KLHDC4: variants seen among roughly 807,000 people sequenced by gnomAD.
KLHDC4 encodes the protein kelch domain containing 4, also known as kelch domain-containing protein 4.
KLHDC4 carries 90 observed loss-of-function variants against 62.4 expected under a neutral mutation model. The observed-to-expected ratio is 1.44, with a 90% CI of 1.22 to 1.72. The LOEUF (loss-of-function observed/expected upper bound fraction) is 1.72, where lower values mean the gene tolerates loss of function less well. Among genes scored for constraint, KLHDC4 ranks in the 40% most tolerant of loss-of-function variants. KLHDC4 has a pLI of 0.00. For missense variants in KLHDC4, 1,025 were observed against 699.7 expected, an observed-to-expected ratio of 1.47 and a Z score of -5.25; for synonymous variants, 386 against 284.4, an observed-to-expected ratio of 1.36 and a Z score of -3.59.
chr16:87,759,409 ACTC>A (rs2045521328), intron 2 of KLHDC4, among the ~76,000 whole-genome samples: 1 of 151,280 alleles, frequency 6.6e-6, no homozygotes, highest in South Asian at 2.1e-4. Flanking sequence ...CAAAAGCAAA[ACTC>A]CGTCTCAGAA....
chr16:87,717,368 A>C (rs2037211116), intron 7 of KLHDC4, among the ~76,000 whole-genome samples: 1 of 152,236 alleles, frequency 6.6e-6, no homozygotes, highest in African/African-American at 2.4e-5. Context: ...GCTAACATGT[A>C]CTGTATTTAC....
rs1376659750 is a variant in KLHDC4 at position 87,709,375 on chromosome 16, A to T, written c.1337T>A (p.Val446Asp). Residue 446 changes from valine (V) to aspartate (D), a missense_variant, in exon 10 of 12, where the codon GTC becomes GAC. Transcript: ENST00000270583. ...GCCGGCCTCAAACATGCCCCCATAGACGTAGAGCACCCCATGCTTCACAGC... is the reference window on the plus strand; with the variant it reads ...GCCGGCCTCAAACATGCCCCCATAGTCGTAGAGCACCCCATGCTTCACAGC... The part of the protein sequence containing the change: ...MLAVKHGVLY[V>D]YGGMFEAGDR... 7 of 1,613,282 alleles carry T rather than the reference A, an allele frequency of 4.3e-6. No homozygotes were observed. Among genetic ancestry groups the T allele is most frequent in the Non-Finnish European group, 4.2e-6 (5 of 1,179,910 alleles).
intron 8 of KLHDC4, 85 bp from the exon 9 acceptor site, chr16:87,711,528 G>A: frequency 8.3e-7 from 1 of 1,204,440 alleles, no homozygotes; most frequent in South Asian, 1.5e-5. Flanking sequence ...GACCCCAGGT[G>A]CCCCCCAGAA....
chr16:87,721,529 A>T (rs761790742), intron 7 of KLHDC4, among the ~76,000 whole-genome samples: 7 of 152,074 alleles, frequency 4.6e-5, no homozygotes, highest in Non-Finnish European at 1.0e-4. Context: ...GCACGAGACA[A>T]GCTGAGACAA....
downstream of KLHDC4, among the ~76,000 whole-genome samples, chr16:87,704,147 C>A (rs187960153): frequency 6.6e-6 from 1 of 152,230 alleles, no homozygotes; most frequent in Non-Finnish European, 1.5e-5. Context: ...ATCAAGCACA[C>A]GGCGCCGCCA....
At chr16:87,720,187 C>T (rs1348074509) in intron 7 of KLHDC4, among the ~76,000 whole-genome samples, 3 of 152,166 alleles carry the variant, frequency 2.0e-5, no homozygotes, top group Admixed American at 6.5e-5. Flanking sequence ...CAGAATGGGC[C>T]GGCGGTGCAG....
chr16:87,725,128 G>T (rs1207183131), intron 7 of KLHDC4, among the ~76,000 whole-genome samples: 2 of 152,124 alleles, frequency 1.3e-5, no homozygotes, highest in Non-Finnish European at 2.9e-5. Flanking sequence ...AGGACAGGCA[G>T]ATCTATTACG....
In KLHDC4 at chr16:87,719,122, G is replaced by T. The variant is rs371957262; in HGVS notation, c.760-4549C>A. On this transcript the variant is annotated intron_variant, in intron 7 of 11. Transcript: ENST00000270583. ...GTGGATGCCTCTGCCCGGCTGCCCC[G>T]TCTGGGAAGTGAGGATCTTCCCGGC... Among the ~76,000 whole-genome samples, 35 of 152,130 alleles carry T rather than the reference G, an allele frequency of 2.3e-4. No individual in the cohort carries two copies. The East Asian group carries it at 6.2e-3, about 27-fold the overall frequency.
rs538589834 is a variant in KLHDC4, at chr16:87,759,232, C to G, written c.191+2717G>C. Among the ~76,000 whole-genome samples, 8 of 151,034 alleles carry G rather than the reference C, an allele frequency of 5.3e-5. No individual in the cohort carries two copies. The South Asian group carries it at 1.7e-3, about 32-fold the overall frequency. On this transcript the variant is annotated intron_variant, in intron 2 of 11. Transcript: ENST00000270583. ...TGGCAAATTTTGTTAAACATTTTAC[C>G]ACAATAAAAAAAACTTTTTAGGTCG...
At chr16:87,709,778 G>A (rs936200817) in intron 9 of KLHDC4, 111 bp from the exon 10 acceptor site, 4 of 1,297,642 alleles carry the variant, frequency 3.1e-6, no homozygotes, top group Non-Finnish European at 4.1e-6. Context: ...ACAAGCGTGG[G>A]GAGTGTGTGA....
intron 5 of KLHDC4, 147 bp from the exon 6 acceptor site, chr16:87,730,791 A>C: frequency 1.5e-6 from 1 of 661,700 alleles, no homozygotes. Context: ...ATTTAATCTG[A>C]TCTATCAACT....
chr16:87,726,971 G>C lies in KLHDC4; in HGVS notation c.600-47C>G, dbSNP rs560890362. 58 of 1,589,468 alleles carry C rather than the reference G, an allele frequency of 3.6e-5. No individual in the cohort carries two copies. In the African/African-American group the frequency reaches 7.0e-4, roughly 19 times the overall value. On this transcript the variant is annotated intron_variant, in intron 6 of 11. Coordinates refer to ENST00000270583, the MANE Select transcript of KLHDC4 (RefSeq NM_017566.4). ...GTCAGGGTCCGTAACATTGGGAAAA[G>C]CCCTGACATTAAAAACTGAACTGAT...
chr16:87,722,783 G>A (rs1455934278), intron 7 of KLHDC4, among the ~76,000 whole-genome samples: 4 of 152,250 alleles, frequency 2.6e-5, no homozygotes, highest in Non-Finnish European at 5.9e-5. Context: ...CTGCTGCACT[G>A]TGGTGTGATC....
intron 7 of KLHDC4, among the ~76,000 whole-genome samples, chr16:87,717,848 A>G (rs1226075490): frequency 6.6e-6 from 1 of 151,292 alleles, no homozygotes; most frequent in Non-Finnish European, 1.5e-5. Context: ...ACCTGTCTAT[A>G]TGAACCGTCT....
chr16:87,756,579 C>G lies in KLHDC4; in HGVS notation c.192-102G>C, dbSNP rs1001452846. 1.0e-5 allele frequency: 8 copies of G among 800,954 alleles called. 1 individual carries two copies. The highest frequency in any genetic ancestry group is 5.0e-4 in the Middle Eastern group (2 of 4,010). The allele number at this position is 800,954 out of a possible 1,614,324, so 49.6% of individuals were successfully genotyped here. A position where few individuals can be genotyped will look rare whatever the true frequency, so the allele number is the denominator to read the frequency against. On this transcript the variant is annotated intron_variant, in intron 2 of 11. Coordinates refer to ENST00000270583, the MANE Select transcript of KLHDC4 (RefSeq NM_017566.4). ...TCCTCTGTCACCACAAACTGGCTGC[C>G]TCTACACTTCCTGAAAGGAGAGCCT...
chr16:87,763,925 G>A (rs2046241144), intron 1 of KLHDC4, among the ~76,000 whole-genome samples: 1 of 152,242 alleles, frequency 6.6e-6, no homozygotes, highest in South Asian at 2.1e-4. Context: ...TAAGACCACA[G>A]ACACAACTTG....
downstream of KLHDC4, among the ~76,000 whole-genome samples, chr16:87,703,998 G>C (rs902330982): frequency 3.9e-4 from 59 of 152,370 alleles, no homozygotes; most frequent in African/African-American, 1.4e-3. Flanking sequence ...GCGGTCACTA[G>C]CAAGTTCCTT....
chr16:87,765,481 A>AGGGAGGGTGGAGGGAGAAGGG (rs1477952315), intron 1 of KLHDC4: 13 of 500,200 alleles, frequency 2.6e-5, no homozygotes, highest in African/African-American at 9.7e-5. Flanking sequence ...CTCCCTTCAG[A>AGGGAGGGTGGAGGGAGAAGGG]GGGAGGGTGG....
chr16:87,749,639 G>A (rs373935096), intron 4 of KLHDC4, among the ~76,000 whole-genome samples: 17 of 152,018 alleles, frequency 1.1e-4, no homozygotes, highest in South Asian at 4.2e-4. Context: ...ACTGGAGTGC[G>A]GTGGCGCCAT....
Sources: allele counts gnomAD v4.1 joint callset (sites outside exome capture counted in the v4.1 genomes callset), GRCh38; gene constraint gnomAD v4.1.1; transcripts MANE v1.5; gene names NCBI Gene and HGNC (gene_info 2026-07-23, HGNC 2026-07-21).